HTT: variants seen among roughly 807,000 people sequenced by gnomAD.
The protein encoded by HTT is huntingtin.
HTT carries 104 observed loss-of-function variants against 362.3 expected under a neutral mutation model. The ratio of observed to expected loss-of-function variants is 0.29; its 90% CI spans 0.24 to 0.34. The LOEUF (loss-of-function observed/expected upper bound fraction) is 0.34. Ranked by LOEUF, HTT falls within the 10% of genes least tolerant of loss-of-function variation. The probability of loss-of-function intolerance (pLI) is 1.00; values close to 1 mark genes in which losing one functional copy is unlikely to be tolerated. For synonymous variants in HTT, 1,577 were observed against 1,548.7 expected (o/e 1.02, Z -0.43); for missense variants, 3,301 against 3,928.6 (o/e 0.84, Z 4.27).
At chr4:3,097,296 G>T (rs1174031289) in intron 2 of HTT, among the ~76,000 whole-genome samples, 2 of 152,074 alleles carry the variant, frequency 1.3e-5, no homozygotes, top group Non-Finnish European at 2.9e-5. Flanking sequence ...GCAATATCAG[G>T]AATGAGGGAG....
rs369889336 is a variant in HTT at position 3,199,951 on chromosome 4, A to G, written c.5576+12A>G. 8.1e-6 allele frequency: 13 copies of G among 1,606,906 alleles called. No homozygotes were observed. Among genetic ancestry groups the G allele is most frequent in the Non-Finnish European group, 1.1e-5 (13 of 1,176,354 alleles). On this transcript the variant is annotated intron_variant, in intron 41 of 66. Transcript: ENST00000355072. ...CAGCAGACCCCGAAGTAGGTTCATA[A>G]TGCCCCACAGCCCAGGGCGCCAGCC...
chr4:3,218,121 C>CAG lies in HTT; in HGVS notation c.7242+170_7242+171insGA, dbSNP rs756300273. On this transcript the variant is annotated intron_variant, in intron 52 of 66. Coordinates refer to ENST00000355072, the MANE Select transcript of HTT (RefSeq NM_001388492.1). The surrounding 1 kb of genome is among the most constrained non-coding windows in gnomAD (Gnocchi z 4.4). ...GTGCCAGGCTGCTTTCCTCAGGCAC[C>CAG]ACGTGTGGAGGTCGCTAGTAGAAAT... is the stretch of plus-strand genomic sequence containing the variant. 1.3e-5 allele frequency among the ~76,000 whole-genome samples: 2 copies of CAG among 152,208 alleles called. No homozygotes were observed. Among genetic ancestry groups the CAG allele is most frequent in the Non-Finnish European group, 2.9e-5 (2 of 68,026 alleles).
Position 3,154,403 on chromosome 4 carries a change from C to T in HTT, c.3609C>T (p.Gly1203=). Residue 1203 remains glycine, a synonymous_variant, in exon 27 of 67, where the codon GGC becomes GGT. Transcript: ENST00000355072. ...QASVPLSPKK[G]SEASAASRQS... ...CTGTACCGTTGAGTCCCAAGAAAGGCAGTGAGGCCAGTGCAGGTAGGAAAC... is the reference window on the plus strand; with the variant it reads ...CTGTACCGTTGAGTCCCAAGAAAGGTAGTGAGGCCAGTGCAGGTAGGAAAC... 2 of 1,613,908 alleles carry T rather than the reference C, an allele frequency of 1.2e-6. No individual in the cohort carries two copies. Among genetic ancestry groups the T allele is most frequent in the Non-Finnish European group, 1.7e-6 (2 of 1,179,908 alleles).
chr4:3,079,419 G>A (rs1712769153), intron 1 of HTT, among the ~76,000 whole-genome samples: 1 of 152,064 alleles, frequency 6.6e-6, no homozygotes. Context: ...ATCACACCTG[G>A]CCAGATGATG....
chr4:3,121,096 A>G (rs1715276091), intron 8 of HTT, 132 bp from the exon 9 acceptor site: 2 of 612,604 alleles, frequency 3.3e-6, no homozygotes, highest in Non-Finnish European at 5.8e-6. Context: ...TGGAAGTGAT[A>G]GGGAAATATT....
intron 16 of HTT, among the ~76,000 whole-genome samples, chr4:3,132,240 G>A (rs563608714): frequency 2.1e-4 from 32 of 152,140 alleles, no homozygotes; most frequent in African/African-American, 7.7e-4. Flanking sequence ...ATTTATATGA[G>A]GTAAGTGTGT....
Position 3,228,081 on chromosome 4 carries a change from G to A in HTT, c.7849-534G>A, listed in dbSNP as rs967471558. Among the ~76,000 whole-genome samples the A allele has an allele frequency of 6.6e-6, 1 of 152,178 alleles. No homozygotes were observed. The highest frequency in any genetic ancestry group is 1.5e-5 in the Non-Finnish European group (1 of 68,030). ...GATGATGGAGAACAGCTTTTTATGG[G>A]CACACAGCCCACAGCACTGTGCCAA... On this transcript the variant is annotated intron_variant, in intron 57 of 66. Coordinates refer to ENST00000355072, the MANE Select transcript of HTT (RefSeq NM_001388492.1). This position sits in a 1 kb window ranked among gnomAD's most constrained non-coding sequence, Gnocchi z 4.3.
chr4:3,176,007 T>G (rs1718219898), intron 33 of HTT, among the ~76,000 whole-genome samples: 1 of 151,350 alleles, frequency 6.6e-6, no homozygotes, highest in African/African-American at 2.4e-5. Flanking sequence ...CTGCTTGTTT[T>G]TTTTGTTGTT....
At chr4:3,119,802 T>C (rs529106956) in intron 8 of HTT, among the ~76,000 whole-genome samples, 1 of 152,312 alleles carries the variant, frequency 6.6e-6, no homozygotes, top group South Asian at 2.1e-4. Flanking sequence ...GGAGATTCTT[T>C]GTTCAAAATG....
At position 3,160,355 on chromosome 4, in the gene HTT, A is replaced by T. The variant is rs1379077767; in HGVS notation, c.3827A>T (p.Gln1276Leu). The T allele has an allele frequency of 1.3e-6, 2 of 1,555,108 alleles. No individual in the cohort carries two copies. Among genetic ancestry groups the T allele is most frequent in the African/African-American group, 1.4e-5 (1 of 73,514 alleles). ...CGCTCAGCCTTGGATGTTCTTTCTC[A>T]GATACTAGAGCTGGCCACACTGCAG... is the stretch of plus-strand genomic sequence containing the variant. ...FLRSALDVLSQILELATLQDI... is the reference protein window; with the variant it reads ...FLRSALDVLSLILELATLQDI... Residue 1276 changes from glutamine to leucine, a missense_variant, in exon 29 of 67, where the codon CAG (glutamine) becomes CTG (leucine). By Grantham distance (113) the Gln-to-Leu change is moderately radical. This residue lies in a region of HTT where 2,316 missense variants were observed against 2,658.5 expected (regional missense o/e 0.87). Coordinates refer to ENST00000355072, the MANE Select transcript of HTT (RefSeq NM_001388492.1).
intron 29 of HTT, 45 bp from the exon 30 acceptor site, chr4:3,172,275 C>T (rs764335962): frequency 1.6e-5 from 16 of 1,030,370 alleles, no homozygotes; most frequent in East Asian, 2.4e-5. Flanking sequence ...CGTACAATAA[C>T]GGGTCATCTC....
intron 51 of HTT, among the ~76,000 whole-genome samples, chr4:3,216,580 G>A (rs900176514): frequency 2.0e-5 from 3 of 152,200 alleles, no homozygotes; most frequent in African/African-American, 4.8e-5. Flanking sequence ...ACATCTTGGC[G>A]GTTTGAGTTA....
intron 31 of HTT, among the ~76,000 whole-genome samples, chr4:3,173,498 G>C (rs1718085821): frequency 6.6e-6 from 1 of 152,138 alleles, no homozygotes; most frequent in Non-Finnish European, 1.5e-5. Flanking sequence ...CTGTAGAGTG[G>C]TGTGGCATGT....
chr4:3,221,469 T>C (rs1720667296), intron 53 of HTT, among the ~76,000 whole-genome samples: 1 of 152,256 alleles, frequency 6.6e-6, no homozygotes, highest in African/African-American at 2.4e-5. Context: ...TTGTCTGTGC[T>C]CATTTTCTTT....
intron 24 of HTT, among the ~76,000 whole-genome samples, chr4:3,146,319 T>C (rs1045850855): frequency 6.6e-6 from 1 of 152,228 alleles, no homozygotes; most frequent in African/African-American, 2.4e-5. Flanking sequence ...ATATGGCGTG[T>C]TAAAGGATAC....
rs1429942856 is a variant in HTT at position 3,142,855 on chromosome 4, A to G, written c.3035A>G (p.Glu1012Gly). 1 of 1,612,350 alleles carries G rather than the reference A, an allele frequency of 6.2e-7. No homozygotes were observed. The highest frequency in any genetic ancestry group is 8.5e-7 in the Non-Finnish European group (1 of 1,178,452). The change falls in exon 23 of 67, where the codon GAA becomes GGA. Residue 1012 changes from glutamate (E) to glycine (G), a missense_variant. Glu to Gly is a moderately conservative substitution (Grantham distance 98, BLOSUM62 -2). Transcript: ENST00000355072. ...AGAGTTATTGCAGCAGTTTCTCATG[A>G]ACTAATCACATCAACCACCAGAGCA... The part of the protein sequence containing the change: ...LSRVIAAVSH[E>G]LITSTTRALT...
chr4:3,156,583 A>G (rs1717159550), intron 27 of HTT, among the ~76,000 whole-genome samples: 1 of 152,372 alleles, frequency 6.6e-6, no homozygotes, highest in Admixed American at 6.5e-5. Flanking sequence ...AAAAGTCTTC[A>G]AACTGAAGTA....
In HTT at chr4:3,225,746, C is replaced by G; in HGVS notation, c.7848+3C>G. 6.2e-7 allele frequency: 1 copy of G among 1,612,112 alleles called. No homozygotes were observed. The highest frequency in any genetic ancestry group is 8.5e-7 in the Non-Finnish European group (1 of 1,178,864). ...GCATGAGCTACAAACTCGGCCAGGT[C>G]AGTCTCGCGCCCCCGCCGCCTGGCC... On this transcript the variant is annotated splice_donor_region_variant and intron_variant, in intron 57 of 66. Coordinates refer to ENST00000355072, the MANE Select transcript of HTT (RefSeq NM_001388492.1).
rs193243946 is a variant in HTT, at chr4:3,199,323, C to T, written c.5369-409C>T. ...TTGGGAGGCTGAGGCGGGTGGATCA[C>T]GAGCTCAGGAGTTCAAGACCAGCCT... On this transcript the variant is annotated intron_variant, in intron 40 of 66. Transcript: ENST00000355072. 6.8e-3 allele frequency among the ~76,000 whole-genome samples: 1,039 copies of T among 152,220 alleles called. 2 individuals carry two copies. The highest frequency in any genetic ancestry group is 0.014 in the Middle Eastern group (4 of 294).
Sources: gnomAD v4.1 joint callset for allele counts (sites outside exome capture counted in the v4.1 genomes callset) on GRCh38, gnomAD v4.1.1 for gene constraint, gnomAD v4.1.1 regional missense constraint, Gnocchi (gnomAD v3.1) non-coding constraint, MANE v1.5 for transcripts, NCBI Gene and HGNC (gene_info 2026-07-23, HGNC 2026-07-21) for gene names.